The following XKR4 variants were observed in gnomAD, a reference collection of about 807,000 sequenced individuals.
XKR4 encodes XK related 4, also known as XK-related protein 4.
In XKR4, 12 loss-of-function variants were observed where a neutral mutation model predicts 53.9. The ratio of observed to expected loss-of-function variants is 0.22; its 90% confidence interval spans 0.14 to 0.36. The LOEUF is 0.36. XKR4 is among the 10% of genes least tolerant of loss of function. The pLI, the probability that XKR4 is intolerant of heterozygous loss-of-function variation, is 1.00. For synonymous variants in XKR4, 354 were observed against 362.4 expected (o/e 0.98, Z 0.26); for missense variants, 799 against 859.5 (o/e 0.93, Z 0.88).
At chr8:55,509,895 T>C (rs533001850) in intron 2 of XKR4, among the ~76,000 whole-genome samples, 4 of 152,202 alleles carry the variant, frequency 2.6e-5, no homozygotes, top group Admixed American at 6.5e-5. Context: ...TAACCAAGAC[T>C]GTGAGGTTCT....
At chr8:55,357,439 A>G (rs1803836381) in intron 1 of XKR4, among the ~76,000 whole-genome samples, 1 of 152,152 alleles carries the variant, frequency 6.6e-6, no homozygotes, top group Non-Finnish European at 1.5e-5. Context: ...GCTTCTTCAT[A>G]TTGCAATTGA....
chr8:55,153,400 C>T (rs1816864368), intron 1 of XKR4, among the ~76,000 whole-genome samples: 1 of 152,106 alleles, frequency 6.6e-6, no homozygotes, highest in Admixed American at 6.6e-5. Flanking sequence ...AGAAAATATT[C>T]AAAGACTATT....
chr8:55,389,347 C>T (rs952819859), intron 2 of XKR4, among the ~76,000 whole-genome samples: 5 of 152,142 alleles, frequency 3.3e-5, no homozygotes. Flanking sequence ...TGATTTCTTG[C>T]TAGCTAATAT....
intron 1 of XKR4, among the ~76,000 whole-genome samples, chr8:55,192,660 G>A (rs1474838351): frequency 6.6e-6 from 1 of 152,106 alleles, no homozygotes; most frequent in East Asian, 1.9e-4. Flanking sequence ...GGGACTGTAT[G>A]GGTACATTGT....
intron 1 of XKR4, among the ~76,000 whole-genome samples, chr8:55,111,376 A>G (rs1816227960): frequency 6.6e-6 from 1 of 152,124 alleles, no homozygotes; most frequent in Non-Finnish European, 1.5e-5. Context: ...CTTGCCTAGT[A>G]CCTAGGGTAT....
chr8:55,186,244 A>G (rs1017485650), intron 1 of XKR4, among the ~76,000 whole-genome samples: 2 of 152,204 alleles, frequency 1.3e-5, no homozygotes, highest in African/African-American at 2.4e-5. Flanking sequence ...TAGATTTAAA[A>G]GGTCTTCTCT....
Position 55,395,677 on chromosome 8 carries a change from G to C in XKR4, c.1006+37800G>C, listed in dbSNP as rs147463659. ...CAAGTGGGCTGGAAAAGCAAGTGAT[G>C]AGGACGGAGAACAAGTTGGGAGGCT... is the stretch of plus-strand genomic sequence containing the variant. On this transcript the variant is annotated intron_variant, in intron 2 of 2. Coordinates refer to ENST00000327381, the MANE Select transcript of XKR4 (RefSeq NM_052898.2). Among the ~76,000 whole-genome samples the C allele has an allele frequency of 2.2e-4, 33 of 152,254 alleles. 1 individual carries two copies. In the East Asian group the frequency reaches 5.8e-3, roughly 27 times the overall value.
At chr8:55,366,949 C>T (rs76254152) in intron 2 of XKR4, among the ~76,000 whole-genome samples, 7,782 of 152,266 alleles carry the variant, frequency 0.051, 541 homozygotes, top group African/African-American at 0.16. Context: ...TCACAAACTG[C>T]TTGAAAAATT....
At position 55,481,901 on chromosome 8, in the gene XKR4, T is replaced by C. The variant is rs188532384; in HGVS notation, c.1007-41380T>C. Among the ~76,000 whole-genome samples the C allele has an allele frequency of 7.0e-3, 1,070 of 152,192 alleles. 21 individuals are homozygous for C. The highest frequency in any genetic ancestry group is 0.024 in the African/African-American group (995 of 41,496). On this transcript the variant is annotated intron_variant, in intron 2 of 2. Transcript: ENST00000327381. Reference sequence around the variant, plus strand: ...CATTAAAAAGTCAGGAAACAACAGGTCCTGTAAAGGATGTGGAGAAATAGG... The same window carrying C: ...CATTAAAAAGTCAGGAAACAACAGGCCCTGTAAAGGATGTGGAGAAATAGG...
At chr8:55,461,523 G>GA (rs927293794) in intron 2 of XKR4, among the ~76,000 whole-genome samples, 3 of 152,246 alleles carry the variant, frequency 2.0e-5, no homozygotes, top group Non-Finnish European at 2.9e-5. Flanking sequence ...AAAGATGGGG[G>GA]AAAAAACAGA....
At chr8:55,459,180 A>G (rs1251921007) in intron 2 of XKR4, among the ~76,000 whole-genome samples, 1 of 152,182 alleles carries the variant, frequency 6.6e-6, no homozygotes, top group Non-Finnish European at 1.5e-5. Flanking sequence ...TTAGAAAAGG[A>G]GAGTAATTTC....
chr8:55,153,438 T>C (rs1816864739), intron 1 of XKR4, among the ~76,000 whole-genome samples: 1 of 152,156 alleles, frequency 6.6e-6, no homozygotes. Flanking sequence ...TCGAAGAACA[T>C]ATACACCAAC....
intron 1 of XKR4, among the ~76,000 whole-genome samples, chr8:55,329,265 T>C (rs1217782551): frequency 2.0e-5 from 3 of 152,158 alleles, no homozygotes; most frequent in South Asian, 2.1e-4. Flanking sequence ...AATTAGCCTA[T>C]AGAGTCTTAA....
rs1806984092 is a variant in XKR4, at chr8:55,533,449, T to C, written c.*9222T>C. On this transcript the variant is annotated 3_prime_UTR_variant, in exon 3 of 3. Coordinates refer to ENST00000327381, the MANE Select transcript of XKR4 (RefSeq NM_052898.2). ...AATGCATTGTACATAAAAGAGGAAA[T>C]GGATTTCTGAAATATATTTTGAAAG... 6.6e-6 allele frequency: 1 copy of C among 152,224 alleles called. No individual in the cohort carries two copies. The highest frequency in any genetic ancestry group is 2.4e-5 in the African/African-American group (1 of 41,456). 9.4% of individuals were successfully genotyped at this position (152,224 alleles called of 1,614,324 possible).
intron 1 of XKR4, among the ~76,000 whole-genome samples, chr8:55,331,924 A>C (rs184797936): frequency 5.0e-4 from 76 of 152,182 alleles, no homozygotes; most frequent in Middle Eastern, 3.4e-3. Flanking sequence ...GGGAGAGTTT[A>C]ATCTATTTAT....
At chr8:55,323,225 C>G (rs1459502344) in intron 1 of XKR4, among the ~76,000 whole-genome samples, 1 of 152,044 alleles carries the variant, frequency 6.6e-6, no homozygotes, top group Non-Finnish European at 1.5e-5. Context: ...GTAAAATTCA[C>G]TTTTTTTGGT....
intron 2 of XKR4, chr8:55,454,309 G>A (rs137976219): frequency 4.1e-6 from 6 of 1,471,240 alleles, no homozygotes; most frequent in South Asian, 2.3e-5. Flanking sequence ...CATTGACCCC[G>A]ATTATGAAGG....
At chr8:55,209,411 G>A (rs1817696419) in intron 1 of XKR4, among the ~76,000 whole-genome samples, 1 of 152,130 alleles carries the variant, frequency 6.6e-6, no homozygotes. Flanking sequence ...TGATGGGTCT[G>A]GAATTTAAAC....
At chr8:55,261,294 C>T (rs1818521868) in intron 1 of XKR4, among the ~76,000 whole-genome samples, 1 of 152,096 alleles carries the variant, frequency 6.6e-6, no homozygotes, top group Admixed American at 6.6e-5. Flanking sequence ...CAAGATACCC[C>T]CAAATTCTTC....
Sources: gnomAD v4.1 joint callset for allele counts (sites outside exome capture counted in the v4.1 genomes callset) on GRCh38, gnomAD v4.1.1 for gene constraint, MANE v1.5 for transcripts, NCBI Gene and HGNC (gene_info 2026-07-23, HGNC 2026-07-21) for gene names.